The following RPL26L1 variants were observed in gnomAD, a reference collection of about 807,000 sequenced individuals.
The protein encoded by RPL26L1 is ribosomal protein uL24-like.
Under a neutral mutation model 15.2 loss-of-function variants are expected in RPL26L1, and 8 were observed. That is an observed-to-expected ratio of 0.53 (90% CI 0.31 to 0.95). The LOEUF (loss-of-function observed/expected upper bound fraction) is 0.95. Among genes scored for constraint, RPL26L1 ranks in the 40% least tolerant of loss-of-function variants. The pLI is 0.05. For missense variants in RPL26L1, 146 were observed against 190.9 expected, an observed-to-expected ratio of 0.76 and a Z score of 1.39; for synonymous variants, 51 against 65.9, an observed-to-expected ratio of 0.77 and a Z score of 1.09.
At chr5:172,966,371 C>T (rs1316540389) in intron 2 of RPL26L1, among the ~76,000 whole-genome samples, 1 of 126,856 alleles carries the variant, frequency 7.9e-6, no homozygotes, top group Admixed American at 9.8e-5. Flanking sequence ...TATGTTGCCT[C>T]GGCTGGTCTC....
chr5:172,968,083 C>A (rs996115032), intron 2 of RPL26L1, among the ~76,000 whole-genome samples: 9 of 152,020 alleles, frequency 5.9e-5, no homozygotes, highest in Admixed American at 5.9e-4. Flanking sequence ...GGGTGCTTAG[C>A]TAGTAATGCA....
chr5:172,962,380 C>T (rs1755261810), intron 2 of RPL26L1, among the ~76,000 whole-genome samples: 1 of 152,048 alleles, frequency 6.6e-6, no homozygotes, highest in South Asian at 2.1e-4. Flanking sequence ...TGGTGGTGCA[C>T]ACCTGTAATC....
At position 172,968,248 on chromosome 5, in the gene RPL26L1, C is replaced by T. The variant is rs180728623; in HGVS notation, c.169-211C>T. On this transcript the variant is annotated intron_variant, in intron 2 of 3. Transcript: ENST00000265100. Reference sequence around the variant, plus strand: ...CTCCTTTTTCCTCTAAAGCTCATATCGCACATTTCTGTGGGATCCAGGTAA... The same window carrying T: ...CTCCTTTTTCCTCTAAAGCTCATATTGCACATTTCTGTGGGATCCAGGTAA... 7.4e-4 allele frequency among the ~76,000 whole-genome samples: 113 copies of T among 152,110 alleles called. 2 individuals carry two copies. Among genetic ancestry groups the T allele is most frequent in the East Asian group, 3.7e-3 (19 of 5,182 alleles).
intron 2 of RPL26L1, among the ~76,000 whole-genome samples, chr5:172,964,566 G>A (rs1334439392): frequency 3.3e-5 from 5 of 152,176 alleles, no homozygotes; most frequent in African/African-American, 7.2e-5. Context: ...GATTACAGGC[G>A]TGAGCCACCA....
At position 172,964,279 on chromosome 5, in the gene RPL26L1, G is replaced by GC. The variant is rs200379404; in HGVS notation, c.169-4178dup. Among the ~76,000 whole-genome samples the GC allele has an allele frequency of 0.012, 321 of 27,648 alleles. 45 individuals are homozygous for GC. In the South Asian group the frequency reaches 0.12, roughly 10 times the overall value. The allele number at this position is 27,648 out of a possible 152,430, so 18.1% of individuals were successfully genotyped here. ...CATGAGCCACAGTGTCTGGCCTGTT[G>GC]CCTTTTTTTTTTTTTTTTTTTTTGA... On this transcript the variant is annotated intron_variant, in intron 2 of 3. Transcript: ENST00000265100.
intron 2 of RPL26L1, among the ~76,000 whole-genome samples, chr5:172,965,518 T>G (rs1017946766): frequency 6.6e-6 from 1 of 152,220 alleles, no homozygotes; most frequent in Non-Finnish European, 1.5e-5. Flanking sequence ...TTACTGTTAA[T>G]GGCCTCCATC....
Position 172,969,691 on chromosome 5 carries a change from T to C in RPL26L1, c.*150T>C, listed in dbSNP as rs1755615419. 1.4e-6 allele frequency: 1 copy of C among 703,438 alleles called. No homozygotes were observed. The highest frequency in any genetic ancestry group is 2.2e-6 in the Non-Finnish European group (1 of 444,684). 43.6% of individuals were successfully genotyped at this position (703,438 alleles called of 1,614,324 possible). On this transcript the variant is annotated 3_prime_UTR_variant, in exon 4 of 4. Transcript: ENST00000265100. ...TACTTTTGCAATTTTAAGTAATAAT[T>C]TTATGAATAAAAATGGGAAATGCTT...
intron 2 of RPL26L1, 86 bp downstream of exon 2, chr5:172,960,127 A>G: frequency 6.6e-7 from 1 of 1,504,190 alleles, no homozygotes; most frequent in African/African-American, 1.4e-5. Flanking sequence ...CACATGCCTC[A>G]GGACTCTGGA....
chr5:172,960,054 C>T lies in RPL26L1; in HGVS notation c.168+13C>T, dbSNP rs1458685686. On this transcript the variant is annotated intron_variant, in intron 2 of 3. Coordinates refer to ENST00000265100, the MANE Select transcript of RPL26L1 (RefSeq NM_016093.4). Reference sequence around the variant, plus strand: ...CGACGAGGTCCAGGTACGTCTCCCTCCGGCGCTAGTGGCGCTCGGACACCG... The same window carrying T: ...CGACGAGGTCCAGGTACGTCTCCCTTCGGCGCTAGTGGCGCTCGGACACCG... 2.5e-6 allele frequency: 4 copies of T among 1,613,966 alleles called. No individual in the cohort carries two copies. In the South Asian group the frequency reaches 4.4e-5, roughly 18 times the overall value.
intron 2 of RPL26L1, among the ~76,000 whole-genome samples, chr5:172,964,540 C>G (rs1309746493): frequency 6.6e-6 from 1 of 152,160 alleles, no homozygotes; most frequent in African/African-American, 2.4e-5. Context: ...CCCGCCTCAG[C>G]CTCCCCAAGT....
In RPL26L1 at chr5:172,968,637, G is replaced by A. The variant is rs780056297; in HGVS notation, c.309+38G>A. On this transcript the variant is annotated intron_variant, in intron 3 of 3. Coordinates refer to ENST00000265100, the MANE Select transcript of RPL26L1 (RefSeq NM_016093.4). ...ACTGAGTGGCAGTAGCAGCCATGGA[G>A]TGTGTCAATACTGTTCAAAGTTATT... 10 of 1,613,126 alleles carry A rather than the reference G, an allele frequency of 6.2e-6. No homozygotes were observed. In the South Asian group the frequency reaches 9.9e-5, roughly 16 times the overall value.
intron 1 of RPL26L1, 80 bp from the exon 2 acceptor site, chr5:172,959,785 T>G: frequency 8.2e-6 from 12 of 1,461,438 alleles, no homozygotes; most frequent in East Asian, 4.6e-5. Context: ...TGTTGGGGGA[T>G]GAGGAGTGTC....
chr5:172,967,111 C>G (rs1755487797), intron 2 of RPL26L1, among the ~76,000 whole-genome samples: 1 of 151,666 alleles, frequency 6.6e-6, no homozygotes, highest in Admixed American at 6.6e-5. Flanking sequence ...GCTTTGGCCT[C>G]CCAAAGTGCT....
intron 1 of RPL26L1, 84 bp downstream of exon 1, chr5:172,959,552 A>G: frequency 8.7e-7 from 1 of 1,143,248 alleles, no homozygotes; most frequent in Non-Finnish European, 1.1e-6. Context: ...AACACATGTC[A>G]CCCCACAGCT....
chr5:172,964,931 C>G (rs148255083), intron 2 of RPL26L1, among the ~76,000 whole-genome samples: 14 of 152,328 alleles, frequency 9.2e-5, no homozygotes, highest in Admixed American at 3.9e-4. Flanking sequence ...CGCCTGTAAT[C>G]TCAACACTCT....
intron 2 of RPL26L1, among the ~76,000 whole-genome samples, chr5:172,966,672 G>C (rs1755466027): frequency 6.6e-6 from 1 of 152,074 alleles, no homozygotes; most frequent in Admixed American, 6.5e-5. Flanking sequence ...TGTGTCCTGA[G>C]AGTCTCTGGT....
At chr5:172,964,307 CAG>C (rs1428517200) in intron 2 of RPL26L1, among the ~76,000 whole-genome samples, 10 of 13,156 alleles carry the variant, frequency 7.6e-4, no homozygotes, top group Non-Finnish European at 3.5e-3. Context: ...TTTTTTGAGA[CAG>C]AGTTTCACTC....
intron 2 of RPL26L1, among the ~76,000 whole-genome samples, chr5:172,961,742 C>A (rs1185658151): frequency 6.6e-6 from 1 of 152,250 alleles, no homozygotes; most frequent in Non-Finnish European, 1.5e-5. Context: ...AGGTAATAAT[C>A]CGTTCTTAGA....
upstream of RPL26L1, chr5:172,955,274 G>A (rs574043338): frequency 7.7e-5 from 23 of 296,936 alleles, no homozygotes; most frequent in African/African-American, 1.1e-4. Context: ...GATTACAGGC[G>A]CCCACCACCA....
Sources: gnomAD v4.1 joint callset for allele counts (sites outside exome capture counted in the v4.1 genomes callset) on GRCh38, gnomAD v4.1.1 for gene constraint, MANE v1.5 for transcripts, NCBI Gene and HGNC (gene_info 2026-07-23, HGNC 2026-07-21) for gene names.